AGBL1: variants seen among roughly 807,000 people sequenced by gnomAD.
AGBL1 encodes the protein cytosolic carboxypeptidase 4.
A neutral mutation model predicts 118.9 loss-of-function variants in AGBL1; 130 were observed. The observed-to-expected ratio is 1.09, with a 90% CI of 0.95 to 1.26. The LOEUF (loss-of-function observed/expected upper bound fraction) is 1.26, where lower values mean the gene tolerates loss of function less well. Among genes scored for constraint, AGBL1 ranks in the 50% most tolerant of loss-of-function variants. AGBL1 has a pLI of 0.00. For missense variants in AGBL1, 1,584 were observed against 1,298.1 expected, an observed-to-expected ratio of 1.22 and a Z score of -3.38; for synonymous variants, 555 against 478.9, an observed-to-expected ratio of 1.16 and a Z score of -2.08.
At chr15:86,478,513 T>C (rs1280442420) in intron 18 of AGBL1, among the ~76,000 whole-genome samples, 1 of 152,046 alleles carries the variant, frequency 6.6e-6, no homozygotes, top group African/African-American at 2.4e-5. Flanking sequence ...TACCTAGGAA[T>C]CCAACTTACA....
chr15:86,936,407 T>C (rs1261867891), intron 23 of AGBL1, among the ~76,000 whole-genome samples: 1 of 152,166 alleles, frequency 6.6e-6, no homozygotes, highest in East Asian at 1.9e-4. Context: ...CTGGTGTATA[T>C]TGACACTTCC....
In AGBL1 at chr15:86,795,025, G is replaced by A. The variant is rs182494839; in HGVS notation, c.3159-112062G>A. ...GGGAAAATAAGAGACCCAGCACCCT[G>A]GGGGATAATCAATTAAACAGCTTCA... On this transcript the variant is annotated intron_variant, in intron 22 of 22. Coordinates refer to ENST00000614907, the MANE Select transcript of AGBL1 (RefSeq NM_001386094.1). 3.3e-5 allele frequency among the ~76,000 whole-genome samples: 5 copies of A among 152,264 alleles called. No homozygotes were observed. In the East Asian group the frequency reaches 9.7e-4, roughly 29 times the overall value.
intron 24 of AGBL1, among the ~76,000 whole-genome samples, chr15:87,024,579 A>G (rs1011006361): frequency 6.6e-6 from 1 of 152,056 alleles, no homozygotes; most frequent in Non-Finnish European, 1.5e-5. Flanking sequence ...AATTGCTACC[A>G]ATCCGATTGA....
chr15:86,789,029 G>A (rs1050096969), intron 22 of AGBL1, among the ~76,000 whole-genome samples: 1 of 152,192 alleles, frequency 6.6e-6, no homozygotes, highest in Non-Finnish European at 1.5e-5. Context: ...AATCTGGAAG[G>A]ATGGAGAATA....
chr15:87,002,891 G>A (rs530255698), intron 24 of AGBL1, among the ~76,000 whole-genome samples: 30 of 152,166 alleles, frequency 2.0e-4, no homozygotes, highest in Non-Finnish European at 3.2e-4. Flanking sequence ...GAGACAATGG[G>A]GTTTTCTAGA....
chr15:86,283,768 C>T (rs1357689391), intron 16 of AGBL1, among the ~76,000 whole-genome samples: 2 of 151,884 alleles, frequency 1.3e-5, no homozygotes, highest in East Asian at 1.9e-4. Flanking sequence ...GTTGAAGAGG[C>T]GAACATGGAA....
intron 5 of AGBL1, among the ~76,000 whole-genome samples, chr15:86,210,823 C>T (rs181457845): frequency 7.9e-5 from 12 of 152,272 alleles, no homozygotes; most frequent in East Asian, 5.8e-4. Flanking sequence ...TCTGTGAGCT[C>T]GTCAGTGTCA....
At chr15:86,492,596 G>GAAAAAAAAAA (rs998900235) in intron 18 of AGBL1, among the ~76,000 whole-genome samples, 9 of 70,758 alleles carry the variant, frequency 1.3e-4, no homozygotes, top group East Asian at 5.5e-4. Context: ...TCAAAAAAAA[G>GAAAAAAAAAA]AAAAAAAAAA....
chr15:86,794,354 G>A (rs143606996), intron 22 of AGBL1, among the ~76,000 whole-genome samples: 2 of 152,224 alleles, frequency 1.3e-5, no homozygotes, highest in African/African-American at 2.4e-5. Flanking sequence ...ATCACAGAAG[G>A]CCACAGAGAA....
chr15:86,580,374 C>CAT (rs1277864064), intron 21 of AGBL1, among the ~76,000 whole-genome samples: 24 of 151,748 alleles, frequency 1.6e-4, no homozygotes, highest in South Asian at 2.1e-4. Context: ...ACTATGTATA[C>CAT]ATATATATAT....
chr15:86,319,742 A>ACTTTTTTT (rs1567197052), intron 17 of AGBL1, among the ~76,000 whole-genome samples: 1 of 46,644 alleles, frequency 2.1e-5, no homozygotes, highest in African/African-American at 7.9e-5. Flanking sequence ...CCTCTTTGGT[A>ACTTTTTTT]GTTTTTTTTT....
chr15:86,876,152 C>T (rs2079804354), intron 22 of AGBL1, among the ~76,000 whole-genome samples: 1 of 152,174 alleles, frequency 6.6e-6, no homozygotes, highest in Non-Finnish European at 1.5e-5. Context: ...TCAGTTTCTA[C>T]ATAGCTGCCA....
intron 22 of AGBL1, among the ~76,000 whole-genome samples, chr15:86,745,888 G>A (rs1423359068): frequency 1.3e-5 from 2 of 152,092 alleles, no homozygotes; most frequent in African/African-American, 4.8e-5. Context: ...ATTTGGGACA[G>A]AAACTCACAG....
At chr15:86,306,291 C>T (rs2079839189) in intron 17 of AGBL1, among the ~76,000 whole-genome samples, 2 of 152,080 alleles carry the variant, frequency 1.3e-5, no homozygotes, top group Non-Finnish European at 2.9e-5. Flanking sequence ...TTAACCATCT[C>T]CACCTCCCCC....
intron 21 of AGBL1, among the ~76,000 whole-genome samples, chr15:86,617,491 A>G (rs2084746010): frequency 6.6e-6 from 1 of 152,132 alleles, no homozygotes; most frequent in African/African-American, 2.4e-5. Flanking sequence ...CTACTAATCA[A>G]TTGTATGTAT....
chr15:86,410,108 T>C (rs1430471214), intron 18 of AGBL1, among the ~76,000 whole-genome samples: 3 of 152,260 alleles, frequency 2.0e-5, no homozygotes, highest in Admixed American at 2.0e-4. Context: ...TATTTAGGGA[T>C]GGATGTGATA....
intron 22 of AGBL1, among the ~76,000 whole-genome samples, chr15:86,782,745 A>C (rs768915009): frequency 2.0e-5 from 3 of 152,266 alleles, no homozygotes; most frequent in Non-Finnish European, 4.4e-5. Context: ...ACATATACTT[A>C]GAAAACATTT....
At chr15:86,232,113 A>G (rs118047298) in intron 6 of AGBL1, among the ~76,000 whole-genome samples, 10 of 152,378 alleles carry the variant, frequency 6.6e-5, no homozygotes, top group Non-Finnish European at 1.3e-4. Context: ...GCTGTGTTCA[A>G]CTTGGCACAT....
chr15:86,663,394 A>G (rs1373672461), intron 21 of AGBL1, among the ~76,000 whole-genome samples: 1 of 152,160 alleles, frequency 6.6e-6, no homozygotes, highest in Non-Finnish European at 1.5e-5. Context: ...TTAGAAGGAA[A>G]GTTCAAAATT....
Sources: gnomAD v4.1 joint callset for allele counts (sites outside exome capture counted in the v4.1 genomes callset) on GRCh38, gnomAD v4.1.1 for gene constraint, MANE v1.5 for transcripts, NCBI Gene and HGNC (gene_info 2026-07-23, HGNC 2026-07-21) for gene names.